FRMD6: variants seen among roughly 807,000 people sequenced by gnomAD.
FRMD6 encodes FERM domain-containing protein 6.
A neutral mutation model predicts 73.2 loss-of-function variants in FRMD6; 37 were observed. The observed-to-expected ratio is 0.51, with a 90% CI of 0.39 to 0.66. FRMD6 has a LOEUF of 0.66. Among genes scored for constraint, FRMD6 ranks in the 30% least tolerant of loss-of-function variants. FRMD6 has a pLI of 0.00. For synonymous variants in FRMD6, 273 were observed against 282.2 expected, an observed-to-expected ratio of 0.97 and a Z score of 0.33; for missense variants, 714 against 780.5, an observed-to-expected ratio of 0.91 and a Z score of 1.02.
intron 2 of FRMD6, among the ~76,000 whole-genome samples, chr14:51,630,174 T>C (rs1209538500): frequency 1.3e-5 from 2 of 152,154 alleles, no homozygotes; most frequent in African/African-American, 2.4e-5. Flanking sequence ...TAAGTTATAT[T>C]TGCAGAGGAA....
chr14:51,698,282 A>G, intron 3 of FRMD6, 50 bp downstream of exon 3: 1 of 1,271,258 alleles, frequency 7.9e-7, no homozygotes, highest in South Asian at 1.3e-5. Flanking sequence ...TCCCTGAGGA[A>G]ATGACATCTT....
the FRMD6 span, among the ~76,000 whole-genome samples, chr14:51,398,073 G>A: frequency 6.6e-6 from 1 of 152,050 alleles, no homozygotes; most frequent in South Asian, 2.1e-4. Context: ...GAACCAAAAG[G>A]GGGAAATGTC....
At chr14:51,506,736 A>G (rs144012296) in intron 1 of FRMD6, among the ~76,000 whole-genome samples, 1 of 152,220 alleles carries the variant, frequency 6.6e-6, no homozygotes, top group Non-Finnish European at 1.5e-5. Flanking sequence ...TTATATAAAG[A>G]TACCTGTTTA....
chr14:51,643,494 A>G (rs955022453), intron 2 of FRMD6: 1 of 152,232 alleles, frequency 6.6e-6, no homozygotes, highest in African/African-American at 2.4e-5. Context: ...AAAACGGATG[A>G]TTGAGTTGAC....
intron 4 of FRMD6, 88 bp downstream of exon 4, chr14:51,701,247 C>T (rs1323651145): frequency 1.5e-6 from 1 of 661,268 alleles, no homozygotes; most frequent in East Asian, 3.1e-5. Context: ...AAACTGTAAG[C>T]AATACTTTAT....
At chr14:51,674,412 C>T (rs1894239826) in intron 1 of FRMD6, among the ~76,000 whole-genome samples, 1 of 151,964 alleles carries the variant, frequency 6.6e-6, no homozygotes, top group East Asian at 1.9e-4. Flanking sequence ...GTAAGTGAGC[C>T]ATTTGTGTTG....
rs758677611 is a variant in FRMD6 at position 51,691,588 on chromosome 14, A to ATTTTTTTTTTTTTTTTT, written c.99+1661_99+1677dup. Among the ~76,000 whole-genome samples the ATTTTTTTTTTTTTTTTT allele has an allele frequency of 1.3e-4, 10 of 75,150 alleles. 1 individual carries two copies. The highest frequency in any genetic ancestry group is 2.0e-4 in the Non-Finnish European group (7 of 35,794). The allele number at this position is 75,150 out of a possible 152,430, so 49.3% of individuals were successfully genotyped here. ...TTTTTATTTATTTATTTTGATTTTG[A>ATTTTTTTTTTTTTTTTT]TTTTTTTTTTTTTTTTTTTTTTTTG... is the stretch of plus-strand genomic sequence containing the variant. On this transcript the variant is annotated intron_variant, in intron 2 of 13. Coordinates refer to ENST00000344768, the MANE Select transcript of FRMD6 (RefSeq NM_001267046.2).
the FRMD6 span, among the ~76,000 whole-genome samples, chr14:51,435,359 T>C: frequency 4.6e-5 from 7 of 151,660 alleles, no homozygotes; most frequent in Non-Finnish European, 1.0e-4. Context: ...GAGGATCACT[T>C]GAGCCCAAGA....
the FRMD6 span, among the ~76,000 whole-genome samples, chr14:51,468,312 G>C: frequency 6.8e-6 from 1 of 146,722 alleles, no homozygotes; most frequent in Non-Finnish European, 1.5e-5. Flanking sequence ...AGAGGGGGAG[G>C]GGGAGGGAGA....
At chr14:51,722,371 A>G (rs562401224) in intron 12 of FRMD6, among the ~76,000 whole-genome samples, 1 of 152,236 alleles carries the variant, frequency 6.6e-6, no homozygotes, top group Non-Finnish European at 1.5e-5. Context: ...CGAGAATCAT[A>G]TAATGTATCT....
At chr14:51,508,655 C>A (rs888909262) in intron 1 of FRMD6, among the ~76,000 whole-genome samples, 3 of 152,198 alleles carry the variant, frequency 2.0e-5, no homozygotes, top group African/African-American at 7.2e-5. Flanking sequence ...AAAAACAAGG[C>A]TGTAGCCCGA....
chr14:51,537,477 A>G (rs375740181), intron 1 of FRMD6, among the ~76,000 whole-genome samples: 2 of 152,222 alleles, frequency 1.3e-5, no homozygotes, highest in African/African-American at 4.8e-5. Flanking sequence ...TATGTGCAGA[A>G]TTTTATGTAG....
chr14:51,455,953 G>A, the FRMD6 span, among the ~76,000 whole-genome samples: 3 of 152,138 alleles, frequency 2.0e-5, no homozygotes, highest in African/African-American at 2.4e-5. Flanking sequence ...AGAAGGTCTT[G>A]GACCTGTGCC....
chr14:51,689,791 C>G lies in FRMD6; in HGVS notation c.-46C>G, dbSNP rs552163178. The G allele has an allele frequency of 8.5e-7, 1 of 1,181,348 alleles. No individual in the cohort carries two copies. The highest frequency in any genetic ancestry group is 2.3e-5 in the East Asian group (1 of 42,834). 73.2% of individuals were successfully genotyped at this position (1,181,348 alleles called of 1,614,324 possible). A position where few individuals can be genotyped will look rare whatever the true frequency, so the allele number is the denominator to read the frequency against. On this transcript the variant is annotated 5_prime_UTR_variant, in exon 2 of 14. Coordinates refer to ENST00000344768, the MANE Select transcript of FRMD6 (RefSeq NM_001267046.2). The stretch of plus-strand genomic sequence containing the variant: ...GAGTGCTGGGAACCTGAGGAATTGC[C>G]AAGGACCCAGAGCCCAGCCCTGACC...
At chr14:51,414,239 C>T in the FRMD6 span, among the ~76,000 whole-genome samples, 1 of 152,152 alleles carries the variant, frequency 6.6e-6, no homozygotes, top group Non-Finnish European at 1.5e-5. Context: ...ATGCCTATGT[C>T]CTGAATGGTA....
At chr14:51,558,478 AAAAACAAAAAAC>A (rs1321253892) in intron 1 of FRMD6, among the ~76,000 whole-genome samples, 3 of 151,556 alleles carry the variant, frequency 2.0e-5, no homozygotes, top group Non-Finnish European at 4.4e-5. Flanking sequence ...AAAAAAAACA[AAAAACAAAAAAC>A]AAAACTAAAT....
chr14:51,538,148 C>T (rs965041481), intron 1 of FRMD6, among the ~76,000 whole-genome samples: 1 of 152,114 alleles, frequency 6.6e-6, no homozygotes, highest in Non-Finnish European at 1.5e-5. Flanking sequence ...ATTTTACTTT[C>T]AGATTTATGA....
At chr14:51,562,338 G>A (rs939124164) in intron 1 of FRMD6, among the ~76,000 whole-genome samples, 3 of 152,184 alleles carry the variant, frequency 2.0e-5, no homozygotes, top group African/African-American at 7.2e-5. Flanking sequence ...TCTCTATCTA[G>A]GAGGTCATGC....
At chr14:51,448,625 T>C in the FRMD6 span, among the ~76,000 whole-genome samples, 4 of 152,120 alleles carry the variant, frequency 2.6e-5, no homozygotes, top group Non-Finnish European at 5.9e-5. Flanking sequence ...ATTTAGCGCT[T>C]ACAGTAATGG....
Sources: allele counts gnomAD v4.1 joint callset (sites outside exome capture counted in the v4.1 genomes callset), GRCh38; gene constraint gnomAD v4.1.1; transcripts MANE v1.5; gene names NCBI Gene and HGNC (gene_info 2026-07-23, HGNC 2026-07-21).